Variants in MYRIP observed in about 807,000 individuals in gnomAD.
MYRIP encodes the protein myosin VIIA and Rab interacting protein, also known as rab effector MyRIP.
Under a neutral mutation model 98.0 loss-of-function variants are expected in MYRIP, and 49 were observed. The ratio of observed to expected loss-of-function variants is 0.50; its 90% CI spans 0.40 to 0.63. The LOEUF is 0.63. MYRIP is among the 30% of genes least tolerant of loss of function. The pLI, the probability that MYRIP is intolerant of heterozygous loss-of-function variation, is 0.00. For missense variants in MYRIP, 1,004 were observed against 1,058.2 expected (o/e 0.95, Z 0.71); for synonymous variants, 404 against 409.5 (o/e 0.99, Z 0.16).
chr3:39,897,324 G>A (rs189721672), intron 1 of MYRIP, among the ~76,000 whole-genome samples: 158 of 152,256 alleles, frequency 1.0e-3, no homozygotes, highest in African/African-American at 3.5e-3. Context: ...ACAATTAGAA[G>A]CATTTCTCAT....
At chr3:40,166,968 G>T in intron 6 of MYRIP, 25 bp downstream of exon 6, 1 of 1,566,926 alleles carries the variant, frequency 6.4e-7, no homozygotes, top group South Asian at 1.1e-5. Context: ...GCTCCTCTCT[G>T]TGGGGGGAGG....
intron 1 of MYRIP, among the ~76,000 whole-genome samples, chr3:39,862,141 A>G (rs1304403814): frequency 6.6e-6 from 1 of 152,228 alleles, no homozygotes; most frequent in Non-Finnish European, 1.5e-5. Flanking sequence ...AACAGTGGAC[A>G]TTTCAGCAGA....
Position 39,862,252 on chromosome 3 carries a change from A to AG in MYRIP, c.-30-38533dup, listed in dbSNP as rs558321746. On this transcript the variant is annotated intron_variant, in intron 1 of 16. Coordinates refer to ENST00000302541, the MANE Select transcript of MYRIP (RefSeq NM_015460.4). ...CAGCTAAACTTAGCTTCATAAGCAA[A>AG]GGAGAAATAAGATCCTTTTTAGACA... Among the ~76,000 whole-genome samples the AG allele has an allele frequency of 1.2e-3, 179 of 152,364 alleles. 2 individuals are homozygous for AG. In the South Asian group the frequency reaches 0.036, roughly 30 times the overall value.
intron 2 of MYRIP, among the ~76,000 whole-genome samples, chr3:40,033,478 A>G (rs1243362871): frequency 6.6e-6 from 1 of 152,210 alleles, no homozygotes; most frequent in Non-Finnish European, 1.5e-5. Flanking sequence ...CAGTTGTTTC[A>G]AAGAGAATAA....
At chr3:39,822,471 T>TC (rs1172088455) in intron 1 of MYRIP, among the ~76,000 whole-genome samples, 1 of 152,162 alleles carries the variant, frequency 6.6e-6, no homozygotes, top group East Asian at 1.9e-4. Context: ...TTTTGCGATT[T>TC]TTTTTTTCTC....
intron 2 of MYRIP, among the ~76,000 whole-genome samples, chr3:39,924,852 C>T (rs9821604): frequency 0.068 from 10,317 of 151,722 alleles, 631 homozygotes; most frequent in East Asian, 0.25. Flanking sequence ...TAGCACACTT[C>T]TAAATAATCC....
chr3:39,842,954 A>G (rs1333586531), intron 1 of MYRIP, among the ~76,000 whole-genome samples: 6 of 152,346 alleles, frequency 3.9e-5, no homozygotes, highest in African/African-American at 1.4e-4. Context: ...GAATTCTGCA[A>G]CGCACCTTTA....
intron 2 of MYRIP, among the ~76,000 whole-genome samples, chr3:40,036,088 T>C (rs1251239892): frequency 6.6e-6 from 1 of 151,816 alleles, no homozygotes; most frequent in Non-Finnish European, 1.5e-5. Flanking sequence ...TTCAAAAATG[T>C]CTAGAGAATT....
intron 2 of MYRIP, among the ~76,000 whole-genome samples, chr3:39,947,178 A>C (rs753828812): frequency 3.3e-5 from 5 of 152,190 alleles, no homozygotes; most frequent in Non-Finnish European, 7.3e-5. Flanking sequence ...ACAAAAAGCA[A>C]GTAAAGTTGT....
chr3:39,957,531 AAAT>A (rs1408332793), intron 2 of MYRIP, among the ~76,000 whole-genome samples: 1 of 152,182 alleles, frequency 6.6e-6, no homozygotes, highest in Non-Finnish European at 1.5e-5. Context: ...ATGTATCTCA[AAAT>A]AATAAGAGCT....
intron 1 of MYRIP, among the ~76,000 whole-genome samples, chr3:39,886,229 A>G (rs1159979203): frequency 6.6e-6 from 1 of 152,096 alleles, no homozygotes; most frequent in Non-Finnish European, 1.5e-5. Flanking sequence ...AGCCACTGCA[A>G]AATCATGCCA....
intron 4 of MYRIP, among the ~76,000 whole-genome samples, chr3:40,157,921 T>G (rs1466944397): frequency 6.6e-6 from 1 of 152,194 alleles, no homozygotes; most frequent in Non-Finnish European, 1.5e-5. Context: ...GATTTATCAG[T>G]TTTGTTGATC....
At chr3:39,990,753 A>G (rs1946153401) in intron 2 of MYRIP, among the ~76,000 whole-genome samples, 1 of 152,210 alleles carries the variant, frequency 6.6e-6, no homozygotes, top group South Asian at 2.1e-4. Flanking sequence ...TTCTAAGTGC[A>G]GGGCTGCCCT....
chr3:39,826,141 A>C (rs913750216), intron 1 of MYRIP, among the ~76,000 whole-genome samples: 6 of 150,508 alleles, frequency 4.0e-5, no homozygotes, highest in Admixed American at 1.3e-4. Flanking sequence ...TTTGTTATCT[A>C]TTGTATTTTT....
intron 10 of MYRIP, among the ~76,000 whole-genome samples, chr3:40,196,579 G>T (rs1951400151): frequency 1.3e-5 from 2 of 152,140 alleles, no homozygotes; most frequent in South Asian, 4.2e-4. Flanking sequence ...TTACATAATT[G>T]CTAATGTTGG....
intron 3 of MYRIP, among the ~76,000 whole-genome samples, chr3:40,134,324 C>T (rs993439417): frequency 3.3e-5 from 5 of 152,228 alleles, no homozygotes; most frequent in Admixed American, 6.5e-5. Flanking sequence ...AAGGCGGCAG[C>T]GAGGCTGCGG....
chr3:39,904,825 G>T (rs1000230755), intron 2 of MYRIP, among the ~76,000 whole-genome samples: 1 of 152,130 alleles, frequency 6.6e-6, no homozygotes, highest in African/African-American at 2.4e-5. Context: ...TCAGTAAGAT[G>T]AGACACTTTC....
Position 39,947,067 on chromosome 3 carries a change from T to G in MYRIP, c.110+46141T>G, listed in dbSNP as rs1944920324. Among the ~76,000 whole-genome samples the G allele has an allele frequency of 2.0e-5, 3 of 152,176 alleles. No individual in the cohort carries two copies. The South Asian group carries it at 6.2e-4, about 32-fold the overall frequency. On this transcript the variant is annotated intron_variant, in intron 2 of 16. Coordinates refer to ENST00000302541, the MANE Select transcript of MYRIP (RefSeq NM_015460.4). ...CAATATTATATGGTTAAGATAGCCTTAGATTCAGCTTTTAATATAACAGTT... is the reference window on the plus strand; with the variant it reads ...CAATATTATATGGTTAAGATAGCCTGAGATTCAGCTTTTAATATAACAGTT...
intron 1 of MYRIP, among the ~76,000 whole-genome samples, chr3:39,844,941 C>A (rs1157803665): frequency 2.6e-5 from 4 of 152,186 alleles, no homozygotes; most frequent in Non-Finnish European, 5.9e-5. Context: ...GCTACTCAGC[C>A]TTTTCTTGCT....
Sources: allele counts gnomAD v4.1 joint callset (sites outside exome capture counted in the v4.1 genomes callset), GRCh38; gene constraint gnomAD v4.1.1; transcripts MANE v1.5; gene names NCBI Gene and HGNC (gene_info 2026-07-23, HGNC 2026-07-21).